The following ADARB1 variants were observed in gnomAD, a reference collection of about 807,000 sequenced individuals.
The protein encoded by ADARB1 is adenosine deaminase RNA specific B1.
A neutral mutation model predicts 52.4 loss-of-function variants in ADARB1; 10 were observed. That is an observed-to-expected ratio of 0.19 (90% confidence interval 0.12 to 0.32). The LOEUF is 0.32. Among genes scored for constraint, ADARB1 ranks in the 10% least tolerant of loss-of-function variants. The pLI is 1.00. For synonymous variants in ADARB1, 349 were observed against 371.1 expected, an observed-to-expected ratio of 0.94 and a Z score of 0.68; for missense variants, 643 against 922.3, an observed-to-expected ratio of 0.70 and a Z score of 3.92.
chr21:45,103,779 A>G (rs1019966823), intron 1 of ADARB1, among the ~76,000 whole-genome samples: 6 of 152,142 alleles, frequency 3.9e-5, no homozygotes, highest in African/African-American at 7.2e-5. Flanking sequence ...CATCTGCTCA[A>G]TTTTTCTTCA....
At chr21:45,148,200 A>T (rs544713613) in intron 2 of ADARB1, among the ~76,000 whole-genome samples, 1 of 152,210 alleles carries the variant, frequency 6.6e-6, no homozygotes, top group East Asian at 1.9e-4. Context: ...TCACTCCTTT[A>T]TGCCCTCACG....
intron 1 of ADARB1, among the ~76,000 whole-genome samples, chr21:45,075,336 G>A (rs547597513): frequency 6.6e-6 from 1 of 151,802 alleles, no homozygotes; most frequent in South Asian, 2.1e-4. Context: ...CTGCGCCGGG[G>A]GACGGCAGGC....
At chr21:45,205,710 C>T (rs1363879447) in intron 9 of ADARB1, among the ~76,000 whole-genome samples, 1 of 152,146 alleles carries the variant, frequency 6.6e-6, no homozygotes, top group Non-Finnish European at 1.5e-5. Context: ...ATTCAAAGGT[C>T]CTAACTTCTA....
At chr21:45,164,011 T>G (rs969687177) in intron 2 of ADARB1, among the ~76,000 whole-genome samples, 6 of 152,228 alleles carry the variant, frequency 3.9e-5, no homozygotes, top group African/African-American at 1.4e-4. Flanking sequence ...ATTTGAACAC[T>G]TGCCATCCAG....
At chr21:45,210,059 C>T (rs781760552) in intron 9 of ADARB1, among the ~76,000 whole-genome samples, 3 of 152,244 alleles carry the variant, frequency 2.0e-5, no homozygotes, top group African/African-American at 7.2e-5. Context: ...CCCTGCACCA[C>T]GGCCGCCACA....
At chr21:45,131,071 A>G (rs1168438209) in intron 2 of ADARB1, among the ~76,000 whole-genome samples, 1 of 152,218 alleles carries the variant, frequency 6.6e-6, no homozygotes, top group Non-Finnish European at 1.5e-5. Flanking sequence ...AGAAGATATT[A>G]CCTTATATAA....
chr21:45,126,440 C>A (rs2088586082), intron 1 of ADARB1, among the ~76,000 whole-genome samples: 2 of 152,222 alleles, frequency 1.3e-5, no homozygotes, highest in Admixed American at 6.5e-5. Flanking sequence ...CAAAAAGACT[C>A]CGGTGTTTTT....
In ADARB1 at chr21:45,222,083, G is replaced by T. The variant is rs141891675; in HGVS notation, c.1992G>T (p.Ala664=). The part of the protein sequence containing the change: ...KPNVYHESKL[A]AKEYQAAKAR... The stretch of plus-strand genomic sequence containing the variant: ...ACGTGTACCATGAGTCCAAGCTGGC[G>T]GCAAAGGAGTACCAGGCCGCCAAGG... The change falls in exon 11 of 11, where the codon GCG becomes GCT. Residue 664 remains alanine, a synonymous_variant. Transcript: ENST00000348831. 2.4e-5 allele frequency: 38 copies of T among 1,613,486 alleles called. No individual in the cohort carries two copies. Among genetic ancestry groups the T allele is most frequent in the Non-Finnish European group, 3.1e-5 (37 of 1,179,990 alleles).
At chr21:45,135,658 C>T (rs1569051438) in intron 2 of ADARB1, among the ~76,000 whole-genome samples, 1 of 152,202 alleles carries the variant, frequency 6.6e-6, no homozygotes, top group Non-Finnish European at 1.5e-5. Context: ...AAAGTGAGGC[C>T]TCAGAAGATG....
intron 2 of ADARB1, among the ~76,000 whole-genome samples, chr21:45,134,405 C>T (rs1293626645): frequency 2.6e-5 from 4 of 151,118 alleles, no homozygotes; most frequent in African/African-American, 4.9e-5. Flanking sequence ...TGTGTGTGCC[C>T]GACAGTGGTG....
intron 1 of ADARB1, among the ~76,000 whole-genome samples, chr21:45,090,953 A>G (rs573598551): frequency 2.2e-4 from 34 of 152,366 alleles, no homozygotes; most frequent in African/African-American, 7.5e-4. Flanking sequence ...TTATTAAACA[A>G]TGTAGGTTCT....
At chr21:45,110,725 T>G (rs2087495047) in intron 1 of ADARB1, among the ~76,000 whole-genome samples, 1 of 152,192 alleles carries the variant, frequency 6.6e-6, no homozygotes, top group Admixed American at 6.5e-5. Context: ...TTTGATTGGG[T>G]AATTAGTTTT....
chr21:45,087,538 C>T lies in ADARB1; in HGVS notation c.-220+12745C>T, dbSNP rs142897113. Among the ~76,000 whole-genome samples the T allele has an allele frequency of 2.7e-4, 41 of 151,992 alleles. No individual in the cohort carries two copies. The South Asian group carries it at 4.6e-3, about 17-fold the overall frequency. On this transcript the variant is annotated intron_variant, in intron 1 of 10. Transcript: ENST00000348831. The stretch of plus-strand genomic sequence containing the variant: ...ATGGTGACTGCAGAGGGCCAGGGGA[C>T]GGAGGAGGAGTGGGTGCCAGGTCAT...
Position 45,226,459 on chromosome 21 carries a change from G to T in ADARB1, c.*4262G>T, listed in dbSNP as rs959536826. ...TATACACCACACGTTACAACTGCAT[G>T]AGCTTCCTCTCGCACAAGACCAGCT... On this transcript the variant is annotated 3_prime_UTR_variant, in exon 11 of 11. Coordinates refer to ENST00000348831, the MANE Select transcript of ADARB1 (RefSeq NM_001112.4). The T allele has an allele frequency of 6.6e-6, 1 of 152,648 alleles. No homozygotes were observed. Among genetic ancestry groups the T allele is most frequent in the Non-Finnish European group, 1.5e-5 (1 of 68,044 alleles). The allele number at this position is 152,648 out of a possible 1,614,324, so 9.5% of individuals were successfully genotyped here. A position where few individuals can be genotyped will look rare whatever the true frequency, so the allele number is the denominator to read the frequency against.
At chr21:45,175,263 C>G (rs927787931) in intron 3 of ADARB1, among the ~76,000 whole-genome samples, 3 of 151,910 alleles carry the variant, frequency 2.0e-5, no homozygotes, top group Non-Finnish European at 4.4e-5. Context: ...ATTTAAAACC[C>G]TTAGATAGCA....
intron 8 of ADARB1, among the ~76,000 whole-genome samples, chr21:45,193,998 T>A (rs1265295935): frequency 6.6e-6 from 1 of 152,132 alleles, no homozygotes; most frequent in African/African-American, 2.4e-5. Context: ...CATATGGAAA[T>A]GCAAAGGACA....
At chr21:45,125,148 C>T (rs1330536515) in intron 1 of ADARB1, among the ~76,000 whole-genome samples, 2 of 152,154 alleles carry the variant, frequency 1.3e-5, no homozygotes, top group Non-Finnish European at 2.9e-5. Context: ...AGCTTACAAG[C>T]TTTTTGGAAT....
At chr21:45,160,494 C>T (rs1052173290) in intron 2 of ADARB1, among the ~76,000 whole-genome samples, 6 of 152,244 alleles carry the variant, frequency 3.9e-5, no homozygotes, top group Admixed American at 2.6e-4. Context: ...CTTAGAGTTG[C>T]CCCAGCACTG....
In ADARB1 at chr21:45,077,719, T is replaced by C. The variant is rs558267701; in HGVS notation, c.-220+2926T>C. Among the ~76,000 whole-genome samples the C allele has an allele frequency of 6.6e-5, 10 of 152,188 alleles. No homozygotes were observed. The East Asian group carries it at 1.7e-3, about 26-fold the overall frequency. On this transcript the variant is annotated intron_variant, in intron 1 of 10. Transcript: ENST00000348831. ...ACTCAGTGGTTTTCTGTGTCAACTT[T>C]CTAAAATAGGAATTTCTAAATCTGT...
Sources: allele counts gnomAD v4.1 joint callset (sites outside exome capture counted in the v4.1 genomes callset), GRCh38; gene constraint gnomAD v4.1.1; transcripts MANE v1.5; gene names NCBI Gene and HGNC (gene_info 2026-07-23, HGNC 2026-07-21).